The following THSD7B variants were observed in gnomAD, a reference collection of about 807,000 sequenced individuals.
THSD7B encodes the protein thrombospondin type-1 domain-containing protein 7B.
A neutral mutation model predicts 213.6 loss-of-function variants in THSD7B; 138 were observed. The ratio of observed to expected loss-of-function variants is 0.65; its 90% CI spans 0.56 to 0.74. THSD7B has a LOEUF of 0.74. Among genes scored for constraint, THSD7B ranks in the 30% least tolerant of loss-of-function variants. The pLI is 0.00. For synonymous variants in THSD7B, 742 were observed against 687.0 expected, an observed-to-expected ratio of 1.08 and a Z score of -1.25; for missense variants, 1,931 against 1,991.5, an observed-to-expected ratio of 0.97 and a Z score of 0.58.
At chr2:137,589,137 T>G (rs139138836) in intron 17 of THSD7B, among the ~76,000 whole-genome samples, 1 of 152,334 alleles carries the variant, frequency 6.6e-6, no homozygotes, top group African/African-American at 2.4e-5. Flanking sequence ...ATTTGGCGGA[T>G]ACTTTCCTGC....
chr2:137,544,212 C>T (rs1411964777), intron 15 of THSD7B, among the ~76,000 whole-genome samples: 1 of 151,570 alleles, frequency 6.6e-6, no homozygotes, highest in Non-Finnish European at 1.5e-5. Flanking sequence ...AAATGTCCAT[C>T]AAATAAAGAA....
chr2:137,565,231 A>C (rs10928619), intron 16 of THSD7B, among the ~76,000 whole-genome samples: 40,643 of 152,062 alleles, frequency 0.27, 5,532 homozygotes, highest in Middle Eastern at 0.36. Flanking sequence ...ATTATGGTAT[A>C]TGTTTCAGCT....
At chr2:137,114,777 G>A (rs962943611) in intron 4 of THSD7B, among the ~76,000 whole-genome samples, 1 of 152,172 alleles carries the variant, frequency 6.6e-6, no homozygotes, top group Non-Finnish European at 1.5e-5. Flanking sequence ...GAAATCCCAT[G>A]ACAAGTTCAG....
At chr2:136,959,917 T>A (rs1414644299) in intron 2 of THSD7B, among the ~76,000 whole-genome samples, 1 of 152,210 alleles carries the variant, frequency 6.6e-6, no homozygotes, top group Non-Finnish European at 1.5e-5. Flanking sequence ...GACACTTGAC[T>A]GGAGGAAGAC....
At chr2:137,205,580 T>C (rs56103145) in intron 7 of THSD7B, among the ~76,000 whole-genome samples, 91,010 of 151,748 alleles carry the variant, frequency 0.6, 27,677 homozygotes, top group South Asian at 0.71. Context: ...ATTATTTCTG[T>C]TAAGTAGATG....
At chr2:137,359,090 G>A (rs1405721416) in intron 12 of THSD7B, among the ~76,000 whole-genome samples, 5 of 152,210 alleles carry the variant, frequency 3.3e-5, no homozygotes, top group African/African-American at 1.2e-4. Flanking sequence ...AATTTCATGT[G>A]TGCTTACATG....
At chr2:136,976,459 T>G (rs1469963053) in intron 2 of THSD7B, among the ~76,000 whole-genome samples, 1 of 152,210 alleles carries the variant, frequency 6.6e-6, no homozygotes, top group East Asian at 1.9e-4. Flanking sequence ...TCTGTTTATG[T>G]GATGAGTTAC....
At chr2:137,170,267 C>T (rs1437364584) in intron 6 of THSD7B, among the ~76,000 whole-genome samples, 1 of 152,064 alleles carries the variant, frequency 6.6e-6, no homozygotes, top group Non-Finnish European at 1.5e-5. Context: ...ACCTCAGTGA[C>T]ATGATGCAGA....
chr2:137,372,274 C>T (rs1467243883), intron 12 of THSD7B, among the ~76,000 whole-genome samples: 4 of 151,170 alleles, frequency 2.6e-5, no homozygotes, highest in African/African-American at 7.3e-5. Context: ...TTAGGTAATC[C>T]CCTCAGCTAT....
chr2:137,319,608 A>T (rs1684219080), intron 12 of THSD7B, among the ~76,000 whole-genome samples: 1 of 152,186 alleles, frequency 6.6e-6, no homozygotes, highest in African/African-American at 2.4e-5. Flanking sequence ...CACTGAAAAG[A>T]TGTTATCATG....
intron 1 of THSD7B, among the ~76,000 whole-genome samples, chr2:136,772,993 GGAA>G (rs1681535268): frequency 1.3e-5 from 2 of 152,062 alleles, no homozygotes; most frequent in Admixed American, 1.3e-4. Context: ...GAATCATATA[GGAA>G]GAAGCTCAGA....
chr2:137,411,683 G>A lies in THSD7B; in HGVS notation c.2770G>A (p.Asp924Asn), dbSNP rs372661542. 65 of 1,613,856 alleles carry A rather than the reference G, an allele frequency of 4.0e-5. No homozygotes were observed. Among genetic ancestry groups the A allele is most frequent in the Non-Finnish European group, 5.3e-5 (62 of 1,179,900 alleles). ...PLVETELCPC[D>N]EFISQPYGNW... is the part of the protein sequence containing the mutation. ...AGTGGAGACAGAACTATGTCCTTGT[G>A]ATGAATTTATATCCCAACCTTATGG... is the stretch of plus-strand genomic sequence containing the variant. Residue 924 changes from aspartate (D) to asparagine (N), a missense_variant, in exon 14 of 28, where the codon GAT (aspartate) becomes AAT (asparagine). By Grantham distance (23) the Asp-to-Asn change is conservative (BLOSUM62 1). Transcript: ENST00000409968.
rs762093020 is a variant in THSD7B, at chr2:137,676,747, C to CAACT, written c.*143_*146dup. Reference sequence around the variant, plus strand: ...AAATATTGCAAAAGTAATATTGCCTCAACTTCATTTGGACATGGAGTCAAG... The same window carrying CAACT: ...AAATATTGCAAAAGTAATATTGCCTCAACTAACTTCATTTGGACATGGAGTCAAG... On this transcript the variant is annotated 3_prime_UTR_variant, in exon 28 of 28. Transcript: ENST00000409968. The CAACT allele has an allele frequency of 1.1e-5, 7 of 648,158 alleles. No homozygotes were observed. The highest frequency in any genetic ancestry group is 1.6e-5 in the Non-Finnish European group (7 of 425,048). The allele number at this position is 648,158 out of a possible 1,614,324, so 40.2% of individuals were successfully genotyped here. A position where few individuals can be genotyped will look rare whatever the true frequency, so the allele number is the denominator to read the frequency against.
At chr2:136,853,601 T>C (rs1375621839) in intron 1 of THSD7B, among the ~76,000 whole-genome samples, 1 of 152,154 alleles carries the variant, frequency 6.6e-6, no homozygotes, top group Non-Finnish European at 1.5e-5. Context: ...AAATGACCTC[T>C]TTACCTTTGT....
chr2:136,917,758 G>T (rs1333381201), intron 2 of THSD7B, among the ~76,000 whole-genome samples: 17 of 152,284 alleles, frequency 1.1e-4, no homozygotes. Flanking sequence ...CACCCTGGAG[G>T]ACTCTTTATT....
chr2:137,193,124 C>T (rs535175826), intron 7 of THSD7B, among the ~76,000 whole-genome samples: 7 of 152,232 alleles, frequency 4.6e-5, no homozygotes, highest in Admixed American at 6.5e-5. Context: ...AATCTCCCAG[C>T]GCTTTCCAGA....
intron 17 of THSD7B, among the ~76,000 whole-genome samples, chr2:137,589,039 A>G (rs1436853477): frequency 1.3e-5 from 2 of 152,090 alleles, no homozygotes; most frequent in Non-Finnish European, 2.9e-5. Context: ...CTGGGCCTCC[A>G]CAAATGCTGG....
At chr2:136,861,337 C>T (rs183362826) in intron 1 of THSD7B, among the ~76,000 whole-genome samples, 13 of 152,302 alleles carry the variant, frequency 8.5e-5, no homozygotes, top group Non-Finnish European at 1.2e-4. Flanking sequence ...CTTTGAACTG[C>T]CTTTAGATTC....
intron 5 of THSD7B, among the ~76,000 whole-genome samples, chr2:137,154,005 G>A (rs1679864164): frequency 6.6e-6 from 1 of 151,978 alleles, no homozygotes; most frequent in East Asian, 1.9e-4. Context: ...CATTTGATTT[G>A]GAAAACTGAA....
Sources: allele counts gnomAD v4.1 joint callset (sites outside exome capture counted in the v4.1 genomes callset), GRCh38; gene constraint gnomAD v4.1.1; transcripts MANE v1.5; gene names NCBI Gene and HGNC (gene_info 2026-07-23, HGNC 2026-07-21).